ADAP1: variants seen among roughly 807,000 people sequenced by gnomAD.
The protein encoded by ADAP1 is arf-GAP with dual PH domain-containing protein 1.
Under a neutral mutation model 54.9 loss-of-function variants are expected in ADAP1, and 31 were observed. The observed-to-expected ratio is 0.56, with a 90% CI of 0.42 to 0.76. The LOEUF (loss-of-function observed/expected upper bound fraction) is 0.76, where lower values mean the gene tolerates loss of function less well. Among genes scored for constraint, ADAP1 ranks in the 30% least tolerant of loss-of-function variants. The probability of loss-of-function intolerance (pLI) is 0.00; values close to 1 mark genes in which losing one functional copy is unlikely to be tolerated. For missense variants in ADAP1, 535 were observed against 512.4 expected, an observed-to-expected ratio of 1.04 and a Z score of -0.42; for synonymous variants, 313 against 202.6, an observed-to-expected ratio of 1.55 and a Z score of -4.63.
rs778969346 is a variant in ADAP1 at position 899,422 on chromosome 7, G to A, written c.864C>T (p.Pro288=). The change falls in exon 9 of 11, where the codon CCC becomes CCT. Residue 288 remains proline, a synonymous_variant. Transcript: ENST00000265846. Reference sequence around the variant, plus strand: ...TGGGGCCACAGCTCCTCCTTACCAGGGGGTCTTTGAAGTACATGAGCCTGC... The same window carrying A: ...TGGGGCCACAGCTCCTCCTTACCAGAGGGTCTTTGAAGTACATGAGCCTGC... ...DDRRLMYFKD[P]LDAFARGEVF... 12 of 1,613,072 alleles carry A rather than the reference G, an allele frequency of 7.4e-6. No individual in the cohort carries two copies. The highest frequency in any genetic ancestry group is 1.0e-5 in the Non-Finnish European group (12 of 1,179,884).
At position 905,770 on chromosome 7, in the gene ADAP1, GA is replaced by G. The variant is rs769810410; in HGVS notation, c.389-599del. On this transcript the variant is annotated intron_variant, in intron 4 of 10. Coordinates refer to ENST00000265846, the MANE Select transcript of ADAP1 (RefSeq NM_006869.4). ...AAGGGAGAAGGGAGAAGGGAGAAAGGAGAAAGGAGAAAGGAGAAAGGAGAAA... is the reference window on the plus strand; with the variant it reads ...AAGGGAGAAGGGAGAAGGGAGAAAGGGAAAGGAGAAAGGAGAAAGGAGAAA... 1.1e-3 allele frequency among the ~76,000 whole-genome samples: 46 copies of G among 43,126 alleles called. 4 individuals carry two copies. Among genetic ancestry groups the G allele is most frequent in the East Asian group, 2.2e-3 (2 of 908 alleles). The allele number at this position is 43,126 out of a possible 152,430, so 28.3% of individuals were successfully genotyped here. A position where few individuals can be genotyped will look rare whatever the true frequency, so the allele number is the denominator to read the frequency against.
At chr7:900,430 C>G in intron 7 of ADAP1, 103 bp downstream of exon 7, 1 of 1,304,850 alleles carries the variant, frequency 7.7e-7, no homozygotes, top group Non-Finnish European at 1.1e-6. Flanking sequence ...CAGGCCCACC[C>G]TAGGGCTCAA....
chr7:919,562 TAG>T (rs1043430936), intron 4 of ADAP1, among the ~76,000 whole-genome samples: 1 of 92,932 alleles, frequency 1.1e-5, no homozygotes, highest in Non-Finnish European at 2.2e-5. Flanking sequence ...GAGACAGAGA[TAG>T]AGAGAGGATG....
intron 4 of ADAP1, among the ~76,000 whole-genome samples, chr7:907,491 G>C (rs1845520657): frequency 6.6e-6 from 1 of 152,154 alleles, no homozygotes; most frequent in African/African-American, 2.4e-5. Flanking sequence ...AGAGCTGTGG[G>C]AGAACAAACA....
intron 4 of ADAP1, among the ~76,000 whole-genome samples, chr7:919,024 TGGGGTGGG>T: frequency 6.6e-6 from 1 of 151,856 alleles, no homozygotes; most frequent in African/African-American, 2.4e-5. Context: ...AGACCGAGGC[TGGGGTGGG>T]CTGGCCTCCC....
At chr7:924,607 C>T (rs1846320583) in intron 3 of ADAP1, among the ~76,000 whole-genome samples, 1 of 151,022 alleles carries the variant, frequency 6.6e-6, no homozygotes, top group South Asian at 2.1e-4. Flanking sequence ...ACACTGCACC[C>T]CTGCCATGCC....
rs150403059 is a variant in ADAP1 at position 904,207 on chromosome 7, G to A, written c.567C>T (p.Ile189=). 4.1e-4 allele frequency: 655 copies of A among 1,611,254 alleles called. 1 individual carries two copies. Among genetic ancestry groups the A allele is most frequent in the African/African-American group, 1.1e-3 (84 of 74,946 alleles). The stretch of plus-strand genomic sequence containing the variant: ...TGACCTGCAGGCCGTGGGGGTGGCC[G>A]ATCTTGGCCGGCTGGAAGGTGGCGT... ...HLNATFQPAK[I]GHPHGLQVTY... is the part of the protein sequence containing the mutation. The change falls in exon 6 of 11, where the codon ATC becomes ATT. Residue 189 remains isoleucine (I), a synonymous_variant. Transcript: ENST00000265846.
chr7:908,390 G>A (rs893299019), intron 4 of ADAP1, among the ~76,000 whole-genome samples: 14 of 152,150 alleles, frequency 9.2e-5, no homozygotes, highest in South Asian at 4.1e-4. Context: ...CCCTCGGGGA[G>A]GGGGCCCTGG....
At chr7:904,366 C>A in intron 5 of ADAP1, 94 bp from the exon 6 acceptor site, 1 of 1,457,300 alleles carries the variant, frequency 6.9e-7, no homozygotes, top group Non-Finnish European at 9.2e-7. Context: ...GGCGGCGCAC[C>A]TGCTGTGCTG....
At position 938,690 on chromosome 7, in the gene ADAP1, G is replaced by A. The variant is rs1217166698; in HGVS notation, c.83-3185C>T. The stretch of plus-strand genomic sequence containing the variant: ...GCCTCGGTCTCCTCATCTGTCGGAT[G>A]GGACAGCACGAGCCACTTACAGGGG... On this transcript the variant is annotated intron_variant, in intron 1 of 10. Coordinates refer to ENST00000265846, the MANE Select transcript of ADAP1 (RefSeq NM_006869.4). This position sits in a 1 kb window ranked among gnomAD's most constrained non-coding sequence, Gnocchi z 4.4. Among the ~76,000 whole-genome samples the A allele has an allele frequency of 6.6e-6, 1 of 152,184 alleles. No individual in the cohort carries two copies. Among genetic ancestry groups the A allele is most frequent in the Non-Finnish European group, 1.5e-5 (1 of 68,034 alleles).
chr7:935,610 C>G (rs1846728235), intron 1 of ADAP1, 105 bp from the exon 2 acceptor site: 2 of 1,416,524 alleles, frequency 1.4e-6, no homozygotes, highest in South Asian at 2.7e-5. Flanking sequence ...GTGGGGGGGG[C>G]TTCAGCGGAG....
chr7:905,710 A>AGAAAGG (rs1845204177), intron 4 of ADAP1: 3 of 28,562 alleles, frequency 1.1e-4, no homozygotes, highest in Admixed American at 4.5e-4. Context: ...AGGAGAAAGG[A>AGAAAGG]GAAAGGAGAA....
intron 1 of ADAP1, 62 bp downstream of exon 1, chr7:954,326 CAGGACCCG>C: frequency 2.0e-6 from 2 of 1,001,662 alleles, no homozygotes; most frequent in Non-Finnish European, 2.4e-6. Context: ...GGGGCCCACC[CAGGACCCG>C]CCCGGCACCC....
chr7:938,192 G>A lies in ADAP1; in HGVS notation c.83-2687C>T, dbSNP rs571577983. Among the ~76,000 whole-genome samples the A allele has an allele frequency of 6.6e-6, 1 of 151,882 alleles. No homozygotes were observed. Among genetic ancestry groups the A allele is most frequent in the Middle Eastern group, 3.4e-3 (1 of 294 alleles). ...GTCTTGTATTGTATTGTTTTGTTTTGAGACAGGGTCTTGCCCTGTTGCCCA... is the reference window on the plus strand; with the variant it reads ...GTCTTGTATTGTATTGTTTTGTTTTAAGACAGGGTCTTGCCCTGTTGCCCA... On this transcript the variant is annotated intron_variant, in intron 1 of 10. Coordinates refer to ENST00000265846, the MANE Select transcript of ADAP1 (RefSeq NM_006869.4). The surrounding 1 kb of genome is among the most constrained non-coding windows in gnomAD (Gnocchi z 4.4).
chr7:907,394 G>A (rs1221097800), intron 4 of ADAP1, among the ~76,000 whole-genome samples: 1 of 152,124 alleles, frequency 6.6e-6, no homozygotes, highest in Non-Finnish European at 1.5e-5. Flanking sequence ...GGAGCACCAG[G>A]GAGAGGCCAG....
At chr7:930,018 C>T (rs764802081) in intron 2 of ADAP1, among the ~76,000 whole-genome samples, 5 of 137,286 alleles carry the variant, frequency 3.6e-5, no homozygotes, top group Admixed American at 8.2e-5. Flanking sequence ...GTGAGAGGAT[C>T]GTTTGAGCCC....
intron 6 of ADAP1, 70 bp from the exon 7 acceptor site, chr7:900,686 G>A: frequency 1.5e-6 from 2 of 1,336,426 alleles, no homozygotes; most frequent in South Asian, 1.3e-5. Context: ...AGAGGGGCTG[G>A]GGTCCCCACA....
intron 3 of ADAP1, chr7:923,055 G>A (rs2128105769): frequency 6.6e-6 from 1 of 152,174 alleles, no homozygotes; most frequent in East Asian, 1.9e-4. Flanking sequence ...CCTTAGGAAG[G>A]GGAATTAGGA....
intron 5 of ADAP1, 100 bp downstream of exon 5, chr7:904,960 A>G (rs1583125178): frequency 1.0e-6 from 1 of 1,003,288 alleles, no homozygotes; most frequent in Non-Finnish European, 1.5e-6. Context: ...GGCAGCAGGG[A>G]GGGCAGCTGC....
Sources: allele counts gnomAD v4.1 joint callset (sites outside exome capture counted in the v4.1 genomes callset), GRCh38; gene constraint gnomAD v4.1.1; non-coding constraint Gnocchi (gnomAD v3.1); transcripts MANE v1.5; gene names NCBI Gene and HGNC (gene_info 2026-07-23, HGNC 2026-07-21).